R3HCC1L: variants seen among roughly 807,000 people sequenced by gnomAD.
R3HCC1L encodes R3H domain and coiled-coil containing 1 like, also known as coiled-coil domain-containing protein R3HCC1L.
R3HCC1L carries 51 observed loss-of-function variants against 59.9 expected under a neutral mutation model. The ratio of observed to expected loss-of-function variants is 0.85; its 90% CI spans 0.68 to 1.07. The LOEUF (loss-of-function observed/expected upper bound fraction) is 1.07, where lower values mean the gene tolerates loss of function less well. Among genes scored for constraint, R3HCC1L ranks in the 50% least tolerant of loss-of-function variants. The pLI, the probability that R3HCC1L is intolerant of heterozygous loss-of-function variation, is 0.00. For missense variants in R3HCC1L, 965 were observed against 933.0 expected, an observed-to-expected ratio of 1.03 and a Z score of -0.45; for synonymous variants, 322 against 315.2, an observed-to-expected ratio of 1.02 and a Z score of -0.23.
At chr10:98,152,536 G>A (rs1163817792) in intron 1 of R3HCC1L, among the ~76,000 whole-genome samples, 54 of 114,142 alleles carry the variant, frequency 4.7e-4, no homozygotes, top group Admixed American at 1.5e-3. Flanking sequence ...GCCCAGTCTG[G>A]GAAGTGAGGA....
chr10:98,194,802 A>G (rs1851245189), intron 4 of R3HCC1L, among the ~76,000 whole-genome samples: 1 of 152,196 alleles, frequency 6.6e-6, no homozygotes, highest in Non-Finnish European at 1.5e-5. Flanking sequence ...GCCATCAAAG[A>G]AGAAACAGAA....
chr10:98,173,089 C>G (rs1482668640), intron 4 of R3HCC1L, among the ~76,000 whole-genome samples: 1 of 152,078 alleles, frequency 6.6e-6, no homozygotes, highest in African/African-American at 2.4e-5. Context: ...AATTTTCATT[C>G]TCTTATTTCT....
At chr10:98,205,952 ATTC>A in intron 4 of R3HCC1L, among the ~76,000 whole-genome samples, 1 of 152,280 alleles carries the variant, frequency 6.6e-6, no homozygotes, top group Middle Eastern at 3.4e-3. Flanking sequence ...TAGTAGTAGA[ATTC>A]TTTCTTACTT....
At chr10:98,142,721 G>A (rs1456502344) in intron 1 of R3HCC1L, among the ~76,000 whole-genome samples, 1 of 151,950 alleles carries the variant, frequency 6.6e-6, no homozygotes, top group African/African-American at 2.4e-5. Flanking sequence ...GATAACTTGA[G>A]GTCAGGAATT....
chr10:98,198,713 C>T (rs2135049975), intron 4 of R3HCC1L, among the ~76,000 whole-genome samples: 1 of 152,138 alleles, frequency 6.6e-6, no homozygotes, highest in South Asian at 2.1e-4. Flanking sequence ...TGTTTGTATG[C>T]AGATAAGCTT....
chr10:98,235,435 G>C lies in R3HCC1L; in HGVS notation c.2043G>C (p.Ala681=), dbSNP rs747499030. 3.7e-6 allele frequency: 6 copies of C among 1,613,022 alleles called. No individual in the cohort carries two copies. Among genetic ancestry groups the C allele is most frequent in the Admixed American group, 1.7e-5 (1 of 59,864 alleles). ...TATTCCTCTTTGCAGCTCGTGATGC[G>C]TTGGGTATTAAACACACCATGGTGA... ...VFSSPITARD[A]LGIKHTMVKI... The change falls in exon 8 of 10, where the codon GCG becomes GCC. Residue 681 remains alanine (A), a synonymous_variant. Coordinates refer to ENST00000298999, the MANE Select transcript of R3HCC1L (RefSeq NM_001351015.2).
intron 2 of R3HCC1L, among the ~76,000 whole-genome samples, chr10:98,160,100 G>A (rs1213015575): frequency 1.3e-5 from 2 of 152,090 alleles, no homozygotes; most frequent in African/African-American, 4.8e-5. Flanking sequence ...TGAGAAACCT[G>A]GCCCTATTAC....
intron 5 of R3HCC1L, among the ~76,000 whole-genome samples, chr10:98,218,770 A>G (rs1854517060): frequency 6.6e-6 from 1 of 152,096 alleles, no homozygotes; most frequent in African/African-American, 2.4e-5. Context: ...TGAGAGTGGG[A>G]TGTTGAAGCC....
chr10:98,194,966 G>A (rs1381197947), intron 4 of R3HCC1L, among the ~76,000 whole-genome samples: 1 of 152,054 alleles, frequency 6.6e-6, no homozygotes, highest in East Asian at 1.9e-4. Flanking sequence ...CCACTACTGG[G>A]TATATATTCC....
At chr10:98,239,063 C>T (rs531897667) in intron 9 of R3HCC1L, among the ~76,000 whole-genome samples, 2 of 152,316 alleles carry the variant, frequency 1.3e-5, no homozygotes, top group South Asian at 4.1e-4. Flanking sequence ...GTCAGTTATA[C>T]TTCTCTGTGC....
In R3HCC1L at chr10:98,163,441, G is replaced by T. The variant is rs1331910202; in HGVS notation, c.-15+44G>T. 2.6e-6 allele frequency: 3 copies of T among 1,134,774 alleles called. No homozygotes were observed. In the African/African-American group the frequency reaches 4.8e-5, roughly 18 times the overall value. The allele number at this position is 1,134,774 out of a possible 1,614,324, so 70.3% of individuals were successfully genotyped here. ...TGCATATTTTATAGAAATACTGTCTGTTTACTCTAAAGATTTGTTTGCTTG... is the reference window on the plus strand; with the variant it reads ...TGCATATTTTATAGAAATACTGTCTTTTTACTCTAAAGATTTGTTTGCTTG... On this transcript the variant is annotated intron_variant, in intron 4 of 9. Transcript: ENST00000298999.
intron 4 of R3HCC1L, among the ~76,000 whole-genome samples, chr10:98,172,856 A>G (rs1848648225): frequency 6.6e-6 from 1 of 152,190 alleles, no homozygotes; most frequent in Non-Finnish European, 1.5e-5. Context: ...TTGGGATGAC[A>G]AGTAGACAGA....
At chr10:98,200,539 TTATC>T (rs1851917191) in intron 4 of R3HCC1L, among the ~76,000 whole-genome samples, 1 of 152,144 alleles carries the variant, frequency 6.6e-6, no homozygotes, top group African/African-American at 2.4e-5. Context: ...AAGTCTGTTA[TTATC>T]CCCATTTTAT....
intron 4 of R3HCC1L, among the ~76,000 whole-genome samples, chr10:98,199,026 G>T (rs2135056503): frequency 6.7e-6 from 1 of 150,158 alleles, no homozygotes; most frequent in Non-Finnish European, 1.5e-5. Context: ...CATATAATCA[G>T]TATAAAAATA....
intron 4 of R3HCC1L, among the ~76,000 whole-genome samples, chr10:98,169,831 G>C (rs778408066): frequency 1.3e-5 from 2 of 149,830 alleles, no homozygotes; most frequent in Non-Finnish European, 3.0e-5. Context: ...TAGGGAATAT[G>C]TAAAACTAAC....
chr10:98,143,707 C>A (rs1193906872), intron 1 of R3HCC1L, among the ~76,000 whole-genome samples: 1 of 152,156 alleles, frequency 6.6e-6, no homozygotes, highest in Non-Finnish European at 1.5e-5. Context: ...TCTTTGACTT[C>A]ATAATGTCAT....
chr10:98,153,609 TAAAAAAAAAA>T (rs1160637755), intron 1 of R3HCC1L, among the ~76,000 whole-genome samples: 3 of 81,014 alleles, frequency 3.7e-5, no homozygotes, highest in Non-Finnish European at 8.1e-5. Flanking sequence ...AATGATCAAT[TAAAAAAAAAA>T]AAAAAAAAAA....
chr10:98,143,225 G>C (rs183308452), intron 1 of R3HCC1L, among the ~76,000 whole-genome samples: 48 of 152,280 alleles, frequency 3.2e-4, no homozygotes, highest in African/African-American at 1.2e-3. Flanking sequence ...CAGAACTTTT[G>C]TGCTTTCATT....
intron 5 of R3HCC1L, among the ~76,000 whole-genome samples, chr10:98,210,508 C>A (rs1447912375): frequency 6.6e-6 from 1 of 152,118 alleles, no homozygotes; most frequent in Non-Finnish European, 1.5e-5. Context: ...TCAGTTCAGT[C>A]TTTTTGTTTT....
Sources: gnomAD v4.1 joint callset for allele counts (sites outside exome capture counted in the v4.1 genomes callset) on GRCh38, gnomAD v4.1.1 for gene constraint, MANE v1.5 for transcripts, NCBI Gene and HGNC (gene_info 2026-07-23, HGNC 2026-07-21) for gene names.